The following MLLT3 variants were observed in gnomAD, a reference collection of about 807,000 sequenced individuals.
MLLT3 encodes MLLT3 super elongation complex subunit, also known as protein AF-9.
MLLT3 carries 4 observed loss-of-function variants against 53.2 expected under a neutral mutation model. The observed-to-expected ratio is 0.08, with a 90% CI of 0.04 to 0.17. The LOEUF (loss-of-function observed/expected upper bound fraction) is 0.17, where lower values mean the gene tolerates loss of function less well. Among genes scored for constraint, MLLT3 ranks in the 10% least tolerant of loss-of-function variants. MLLT3 has a pLI of 1.00. For missense variants in MLLT3, 569 were observed against 684.0 expected, an observed-to-expected ratio of 0.83 and a Z score of 1.87; for synonymous variants, 283 against 230.6, an observed-to-expected ratio of 1.23 and a Z score of -2.06.
intron 2 of MLLT3, among the ~76,000 whole-genome samples, chr9:20,464,474 A>C (rs967694528): frequency 1.3e-5 from 2 of 152,136 alleles, no homozygotes; most frequent in African/African-American, 4.8e-5. Flanking sequence ...AGTGGAGAGA[A>C]AGACAACATG....
intron 2 of MLLT3, among the ~76,000 whole-genome samples, chr9:20,547,641 T>G (rs1228423324): frequency 2.9e-5 from 2 of 68,730 alleles, no homozygotes; most frequent in East Asian, 1.2e-3. Context: ...TGAAACTCCA[T>G]CTCAAAAAAA....
intron 2 of MLLT3, among the ~76,000 whole-genome samples, chr9:20,617,474 G>A (rs958425158): frequency 1.5e-4 from 23 of 152,138 alleles, no homozygotes; most frequent in African/African-American, 5.3e-4. Flanking sequence ...TATCATAAAT[G>A]TCAGTGAAAC....
chr9:20,470,750 T>G (rs1421160635), intron 2 of MLLT3, among the ~76,000 whole-genome samples: 1 of 151,680 alleles, frequency 6.6e-6, no homozygotes, highest in African/African-American at 2.4e-5. Context: ...AGGGAGGGAG[T>G]AATAAACTGA....
intron 4 of MLLT3, among the ~76,000 whole-genome samples, chr9:20,439,265 A>G (rs544827691): frequency 2.6e-5 from 4 of 152,236 alleles, no homozygotes; most frequent in African/African-American, 9.6e-5. Flanking sequence ...CTGAGGCAGG[A>G]GAATCCCTTG....
rs375209066 is a variant in MLLT3, at chr9:20,554,239, G to C, written c.193+66415C>G. Among the ~76,000 whole-genome samples the C allele has an allele frequency of 2.6e-5, 4 of 152,036 alleles. 1 individual carries two copies. The highest frequency in any genetic ancestry group is 9.6e-5 in the African/African-American group (4 of 41,454). ...ACCCAAAAACTTAATTTCCTGTACA[G>C]TACTGCTTTCATTTCACCTTTAAAA... On this transcript the variant is annotated intron_variant, in intron 2 of 10. Transcript: ENST00000380338.
intron 2 of MLLT3, among the ~76,000 whole-genome samples, chr9:20,578,025 C>A (rs760875252): frequency 6.6e-6 from 1 of 152,158 alleles, no homozygotes; most frequent in Non-Finnish European, 1.5e-5. Context: ...CTATCAACAA[C>A]TGAATCCAGA....
At chr9:20,498,636 T>G (rs1190015849) in intron 2 of MLLT3, among the ~76,000 whole-genome samples, 5 of 152,174 alleles carry the variant, frequency 3.3e-5, no homozygotes, top group Non-Finnish European at 7.4e-5. Context: ...TTTTTGTGTG[T>G]GATTTGTATT....
At chr9:20,471,358 T>C (rs561476754) in intron 2 of MLLT3, among the ~76,000 whole-genome samples, 3 of 152,196 alleles carry the variant, frequency 2.0e-5, no homozygotes, top group South Asian at 4.1e-4. Context: ...GCAAGGTCTC[T>C]GGAATTTGAA....
rs1563956882 is a variant in MLLT3 at position 20,414,363 on chromosome 9, G to GCTGCTA, written c.482_483insTAGCAG (p.Ser189_Ser190dup). 6.2e-7 allele frequency: 1 copy of GCTGCTA among 1,604,600 alleles called. No homozygotes were observed. Among genetic ancestry groups the GCTGCTA allele is most frequent in the Admixed American group, 1.7e-5 (1 of 59,716 alleles). On this transcript the variant is annotated inframe_insertion, in exon 5 of 11. Transcript: ENST00000380338. Reference sequence around the variant, plus strand: ...TGCTGCTACTGCTGCTGCTGCTGCTGCTGCTGCTGCTGCTACTGCTGCTGC... The same window carrying GCTGCTA: ...TGCTGCTACTGCTGCTGCTGCTGCTGCTGCTACTGCTGCTGCTGCTACTGCTGCTGC...
At chr9:20,586,593 G>A (rs1260766856) in intron 2 of MLLT3, among the ~76,000 whole-genome samples, 6 of 151,970 alleles carry the variant, frequency 3.9e-5, no homozygotes, top group Non-Finnish European at 8.8e-5. Flanking sequence ...GGGAAACTGA[G>A]ATAGGCAAAA....
At chr9:20,424,529 T>C in intron 4 of MLLT3, among the ~76,000 whole-genome samples, 1 of 152,184 alleles carries the variant, frequency 6.6e-6, no homozygotes, top group East Asian at 1.9e-4. Context: ...GTCACTGTTT[T>C]AAGAAAACTG....
intron 2 of MLLT3, among the ~76,000 whole-genome samples, chr9:20,567,304 T>TAAAAAAA (rs35505450): frequency 1.4e-3 from 114 of 79,882 alleles, no homozygotes; most frequent in Non-Finnish European, 1.8e-3. Context: ...CTATATTCAG[T>TAAAAAAA]AAAAAAAAAA....
At chr9:20,518,066 G>A (rs185939153) in intron 2 of MLLT3, among the ~76,000 whole-genome samples, 174 of 152,296 alleles carry the variant, frequency 1.1e-3, no homozygotes, top group African/African-American at 4.0e-3. Flanking sequence ...TAGGCTGAGC[G>A]CTGTGGCTCA....
intron 10 of MLLT3, among the ~76,000 whole-genome samples, chr9:20,350,552 G>A (rs372952937): frequency 1.4e-4 from 20 of 139,214 alleles, no homozygotes; most frequent in Non-Finnish European, 2.5e-4. Flanking sequence ...CCGAGATCCC[G>A]CCACTGCACT....
intron 5 of MLLT3, among the ~76,000 whole-genome samples, chr9:20,371,553 A>G (rs940097111): frequency 3.3e-5 from 5 of 152,242 alleles, no homozygotes; most frequent in Admixed American, 3.3e-4. Flanking sequence ...GAATGGAACA[A>G]CAAAACCTGG....
rs777176380 is a variant in MLLT3, at chr9:20,620,616, A to G, written c.193+38T>C. ...CCCGGGCCAAGCGATTGTTTCAAAG[A>G]CATTTTTTATCAAGACCCTTTTGTA... On this transcript the variant is annotated intron_variant, in intron 2 of 10. Transcript: ENST00000380338. This position sits in a 1 kb window ranked among gnomAD's most constrained non-coding sequence, Gnocchi z 6.1. The G allele has an allele frequency of 1.9e-6, 3 of 1,588,092 alleles. No homozygotes were observed. The South Asian group carries it at 3.4e-5, about 18-fold the overall frequency.
chr9:20,427,316 A>G (rs537063481), intron 4 of MLLT3, among the ~76,000 whole-genome samples: 88 of 152,196 alleles, frequency 5.8e-4, no homozygotes, highest in African/African-American at 1.9e-3. Context: ...ATGAAAAAAA[A>G]AAAACACTGT....
intron 2 of MLLT3, among the ~76,000 whole-genome samples, chr9:20,543,384 AG>A (rs1358720791): frequency 1.3e-5 from 2 of 152,236 alleles, no homozygotes; most frequent in Non-Finnish European, 2.9e-5. Flanking sequence ...TGGAATACAC[AG>A]TTCAAGTCTT....
At position 20,463,428 on chromosome 9, in the gene MLLT3, G is replaced by C. The variant is rs183587682; in HGVS notation, c.194-6642C>G. ...GAATATAACAGCTATGTTAAAACAG[G>C]ACTGCTTTCACAATCATTTCTTCAA... On this transcript the variant is annotated intron_variant, in intron 2 of 10. Coordinates refer to ENST00000380338, the MANE Select transcript of MLLT3 (RefSeq NM_004529.4). Among the ~76,000 whole-genome samples, 609 of 152,142 alleles carry C rather than the reference G, an allele frequency of 4.0e-3. 17 individuals are homozygous for C. The South Asian group carries it at 0.056, about 14-fold the overall frequency.
Sources: gnomAD v4.1 joint callset for allele counts (sites outside exome capture counted in the v4.1 genomes callset) on GRCh38, gnomAD v4.1.1 for gene constraint, Gnocchi (gnomAD v3.1) non-coding constraint, MANE v1.5 for transcripts, NCBI Gene and HGNC (gene_info 2026-07-23, HGNC 2026-07-21) for gene names.